The following TPR variants were observed in gnomAD, a reference collection of about 807,000 sequenced individuals.
TPR encodes nucleoprotein TPR.
TPR carries 51 observed loss-of-function variants against 316.1 expected under a neutral mutation model. That is an observed-to-expected ratio of 0.16 (90% CI 0.13 to 0.20). The LOEUF is 0.20. Ranked by LOEUF, TPR falls within the 10% of genes least tolerant of loss-of-function variation. TPR has a pLI of 1.00. For missense variants in TPR, 2,272 were observed against 2,754.8 expected, an observed-to-expected ratio of 0.82 and a Z score of 3.92; for synonymous variants, 981 against 914.7, an observed-to-expected ratio of 1.07 and a Z score of -1.31.
At chr1:186,352,833 G>A (rs948968196) in intron 18 of TPR, among the ~76,000 whole-genome samples, 1 of 152,214 alleles carries the variant, frequency 6.6e-6, no homozygotes, top group East Asian at 1.9e-4. Flanking sequence ...ATTAGCTCTT[G>A]AGTCTGTTTT....
At chr1:186,359,707 T>C in intron 12 of TPR, 92 bp downstream of exon 12, 6 of 1,281,210 alleles carry the variant, frequency 4.7e-6, no homozygotes, top group African/African-American at 1.6e-5. Context: ...TTTAGATTTT[T>C]CTGACTCAAT....
Position 186,351,469 on chromosome 1 carries a change from C to A in TPR, c.2471G>T (p.Gly824Val). Residue 824 changes from glycine to valine, a missense_variant and splice_region_variant, in exon 20 of 51, where the codon GGA becomes GTA. By Grantham distance (109) the Gly-to-Val change is moderately radical (BLOSUM62 -3). Transcript: ENST00000367478. ...LLLTNLQTIQ[G>V]ILERSETETK... Reference sequence around the variant, plus strand: ...TTCTGTTTCAGATCGCTCCAGTATTCCCTAAAGCAAAGAAAAGATTTTTGG... The same window carrying A: ...TTCTGTTTCAGATCGCTCCAGTATTACCTAAAGCAAAGAAAAGATTTTTGG... 1 of 1,565,210 alleles carries A rather than the reference C, an allele frequency of 6.4e-7. No homozygotes were observed. Among genetic ancestry groups the A allele is most frequent in the African/African-American group, 1.4e-5 (1 of 72,162 alleles).
chr1:186,337,045 A>T lies in TPR; in HGVS notation c.4474T>A (p.Ser1492Thr). ...TLNQAETKSK[S>T]LESQVENLQK... is the part of the protein sequence containing the mutation. ...AGATTCTCTACTTGACTTTCAAGTG[A>T]TTTTGATTTTGTTTCAGCTTGGTTG... The change falls in exon 32 of 51, where the codon TCA becomes ACA. Residue 1492 changes from serine to threonine, a missense_variant. This residue lies in a region of TPR where 101 missense variants were observed against 113.0 expected (regional missense o/e 0.89). Transcript: ENST00000367478. 1 of 1,613,882 alleles carries T rather than the reference A, an allele frequency of 6.2e-7. No individual in the cohort carries two copies. The highest frequency in any genetic ancestry group is 8.5e-7 in the Non-Finnish European group (1 of 1,179,824).
chr1:186,337,971 G>A, intron 31 of TPR, 62 bp downstream of exon 31: 4 of 1,348,642 alleles, frequency 3.0e-6, no homozygotes, highest in Non-Finnish European at 4.0e-6. Flanking sequence ...AAATTACAAA[G>A]AAATAAGATT....
chr1:186,360,624 T>C lies in TPR; in HGVS notation c.1099+141A>G, dbSNP rs184587435. 113 of 1,177,766 alleles carry C rather than the reference T, an allele frequency of 9.6e-5. 1 individual carries two copies. The East Asian group carries it at 2.7e-3, about 28-fold the overall frequency. 73.0% of individuals were successfully genotyped at this position (1,177,766 alleles called of 1,614,324 possible). A position where few individuals can be genotyped will look rare whatever the true frequency, so the allele number is the denominator to read the frequency against. On this transcript the variant is annotated intron_variant, in intron 10 of 50. Transcript: ENST00000367478. Reference sequence around the variant, plus strand: ...AAGATACAGGTAAGAGTATTAATTTTAAAACAAATTCTATTAATATAACTC... The same window carrying C: ...AAGATACAGGTAAGAGTATTAATTTCAAAACAAATTCTATTAATATAACTC...
intron 4 of TPR, among the ~76,000 whole-genome samples, chr1:186,365,102 CTTTTT>C (rs61369492): frequency 7.3e-6 from 1 of 137,190 alleles, no homozygotes; most frequent in Non-Finnish European, 1.6e-5. Context: ...AGGGGCTGCC[CTTTTT>C]TTTTTTTGGA....
rs1311148172 is a variant in TPR at position 186,341,362 on chromosome 1, C to T, written c.3778G>A (p.Glu1260Lys). ...GTTTCAGTTTTCTTCATCAGTTCTT[C>T]ATGCTGAGCCATTGTTTTTGCAGTT... Reference protein sequence around the residue: ...QVTAKTMAQHEELMKKTETMN... With the variant: ...QVTAKTMAQHKELMKKTETMN... Residue 1260 changes from glutamate (E) to lysine (K), a missense_variant, in exon 28 of 51, where the codon GAA (glutamate) becomes AAA (lysine). By Grantham distance (56) the Glu-to-Lys change is moderately conservative. This residue lies in a region of TPR where 757 missense variants were observed against 859.8 expected (regional missense o/e 0.88). Transcript: ENST00000367478. 1 of 1,613,068 alleles carries T rather than the reference C, an allele frequency of 6.2e-7. No homozygotes were observed. The highest frequency in any genetic ancestry group is 8.5e-7 in the Non-Finnish European group (1 of 1,179,920).
Position 186,375,227 on chromosome 1 carries a change from A to G in TPR, c.-199T>C, listed in dbSNP as rs979256701. On this transcript the variant is annotated 5_prime_UTR_variant, in exon 1 of 51. Transcript: ENST00000367478. ...CACCCTCAGCGGCAGCGTTTCAGCAACAGCACCTCACCGCCCGCGACCGAA... is the reference window on the plus strand; with the variant it reads ...CACCCTCAGCGGCAGCGTTTCAGCAGCAGCACCTCACCGCCCGCGACCGAA... The G allele has an allele frequency of 4.1e-6, 6 of 1,467,072 alleles. No individual in the cohort carries two copies. Among genetic ancestry groups the G allele is most frequent in the Non-Finnish European group, 4.5e-6 (5 of 1,108,296 alleles). 90.9% of individuals were successfully genotyped at this position (1,467,072 alleles called of 1,614,324 possible).
At position 186,333,030 on chromosome 1, in the gene TPR, C is replaced by T. The variant is rs552738307; in HGVS notation, c.5455+92G>A. The T allele has an allele frequency of 1.9e-3, 2,721 of 1,434,732 alleles. 15 individuals carry two copies. Among genetic ancestry groups the T allele is most frequent in the South Asian group, 4.8e-3 (339 of 70,744 alleles). The allele number at this position is 1,434,732 out of a possible 1,614,324, so 88.9% of individuals were successfully genotyped here. ...TAGGTCTATTCTAACTTCATTTGTA[C>T]AAAGAATACTCAAGATATATATACT... On this transcript the variant is annotated intron_variant, in intron 37 of 50. Coordinates refer to ENST00000367478, the MANE Select transcript of TPR (RefSeq NM_003292.3).
At chr1:186,359,431 C>A (rs116690180) in intron 12 of TPR, among the ~76,000 whole-genome samples, 21 of 152,096 alleles carry the variant, frequency 1.4e-4, no homozygotes, top group African/African-American at 3.9e-4. Context: ...GCTATTACAA[C>A]TGTCTGATAA....
chr1:186,368,349 T>C (rs906457296), intron 3 of TPR, among the ~76,000 whole-genome samples: 2 of 152,196 alleles, frequency 1.3e-5, no homozygotes, highest in Non-Finnish European at 2.9e-5. Context: ...CAGTGGCTCA[T>C]GCCTGTAATC....
intron 19 of TPR, 148 bp from the exon 20 acceptor site, chr1:186,351,618 GTAT>G (rs1658864723): frequency 1.2e-6 from 1 of 843,898 alleles, no homozygotes; most frequent in South Asian, 2.8e-5. Context: ...AAGTATTCTG[GTAT>G]TTTTTATATT....
At chr1:186,365,598 G>A (rs1227705536) in intron 4 of TPR, among the ~76,000 whole-genome samples, 1 of 152,184 alleles carries the variant, frequency 6.6e-6, no homozygotes, top group African/African-American at 2.4e-5. Context: ...CACTGTGGAA[G>A]AGAACCCCAA....
intron 6 of TPR, among the ~76,000 whole-genome samples, 161 bp downstream of exon 6, chr1:186,362,676 G>A (rs550782333): frequency 4.6e-5 from 7 of 151,892 alleles, no homozygotes; most frequent in Non-Finnish European, 8.8e-5. Flanking sequence ...TTATGTAAAC[G>A]CAATTGGTTG....
At chr1:186,371,648 A>G (rs1157426067) in intron 2 of TPR, among the ~76,000 whole-genome samples, 1 of 152,220 alleles carries the variant, frequency 6.6e-6, no homozygotes, top group Non-Finnish European at 1.5e-5. Context: ...AATTTTTCCA[A>G]AAATATACAT....
rs2101979634 is a variant in TPR at position 186,355,751 on chromosome 1, C to A, written c.1906G>T (p.Val636Phe). The A allele has an allele frequency of 2.5e-6, 4 of 1,613,886 alleles. No homozygotes were observed. Among genetic ancestry groups the A allele is most frequent in the Non-Finnish European group, 3.4e-6 (4 of 1,179,962 alleles). ...IPLHASSLDD[V>F]SLASTPKRPS... ...CGTTTTGGAGTTGATGCAAGAGAAA[C>A]ATCATCTAAGCTTGAAGCTTCAGGA... Residue 636 changes from valine to phenylalanine, a missense_variant, in exon 16 of 51, where the codon GTT (valine) becomes TTT (phenylalanine). Physicochemically the swap from Val to Phe is conservative, Grantham distance 50. Around this residue, in one of 10 missense-constraint regions of TPR, gnomAD observed 757 missense variants for 859.8 expected, o/e 0.88. Coordinates refer to ENST00000367478, the MANE Select transcript of TPR (RefSeq NM_003292.3).
intron 3 of TPR, among the ~76,000 whole-genome samples, chr1:186,369,922 T>A (rs1397584832): frequency 6.6e-6 from 1 of 152,110 alleles, no homozygotes; most frequent in Non-Finnish European, 1.5e-5. Flanking sequence ...CTGAAAAATT[T>A]TATGTGACTG....
chr1:186,358,487 AG>A lies in TPR; in HGVS notation c.1497+55del, dbSNP rs1659090825. 31 of 1,357,794 alleles carry A rather than the reference AG, an allele frequency of 2.3e-5. No individual in the cohort carries two copies. In the South Asian group the frequency reaches 3.8e-4, roughly 17 times the overall value. The allele number at this position is 1,357,794 out of a possible 1,614,324, so 84.1% of individuals were successfully genotyped here. ...CTTAGGTACCTTCAAACAGATTCAA[AG>A]ATTACTGGGCAGTCAGGTTTTTAAA... is the stretch of plus-strand genomic sequence containing the variant. On this transcript the variant is annotated intron_variant, in intron 13 of 50. Coordinates refer to ENST00000367478, the MANE Select transcript of TPR (RefSeq NM_003292.3).
intron 19 of TPR, 148 bp downstream of exon 19, chr1:186,351,828 A>C: frequency 1.2e-6 from 1 of 848,664 alleles, no homozygotes. Flanking sequence ...TAAAATATTT[A>C]AATGTCTTAA....
Sources: allele counts gnomAD v4.1 joint callset (sites outside exome capture counted in the v4.1 genomes callset), GRCh38; gene constraint gnomAD v4.1.1; regional missense constraint gnomAD v4.1.1; transcripts MANE v1.5; gene names NCBI Gene and HGNC (gene_info 2026-07-23, HGNC 2026-07-21).